The following CEP170 variants were observed in gnomAD, a reference collection of about 807,000 sequenced individuals.
CEP170 encodes the protein centrosomal protein 170.
CEP170 carries 21 observed loss-of-function variants against 151.9 expected under a neutral mutation model. That is an observed-to-expected ratio of 0.14 (90% CI 0.10 to 0.20). The LOEUF (loss-of-function observed/expected upper bound fraction) is 0.20, where lower values mean the gene tolerates loss of function less well. Ranked by LOEUF, CEP170 falls within the 10% of genes least tolerant of loss-of-function variation. The pLI is 1.00. For synonymous variants in CEP170, 356 were observed against 648.8 expected (o/e 0.55, Z 6.86); for missense variants, 964 against 1,892.9 (o/e 0.51, Z 9.11).
At position 243,128,359 on chromosome 1, in the gene CEP170, A is replaced by G. The variant is rs369626057; in HGVS notation, c.4414-59T>C. On this transcript the variant is annotated intron_variant, in intron 18 of 19. Transcript: ENST00000366542. ...TTTTAGCTAAATGTTATCACTTTAC[A>G]AGCAATGAATTTCACTCTCACTTTA... The G allele has an allele frequency of 9.1e-4, 1,315 of 1,450,170 alleles. 22 individuals carry two copies. The South Asian group carries it at 0.017, about 18-fold the overall frequency. The allele number at this position is 1,450,170 out of a possible 1,614,324, so 89.8% of individuals were successfully genotyped here.
intron 1 of CEP170, among the ~76,000 whole-genome samples, chr1:243,251,033 T>C (rs897684045): frequency 6.6e-6 from 1 of 152,164 alleles, no homozygotes; most frequent in East Asian, 1.9e-4. Context: ...GTCCTAACAT[T>C]TAGACAAGAG....
intron 1 of CEP170, chr1:243,253,460 T>G (rs2066137677): frequency 6.6e-6 from 1 of 152,234 alleles, no homozygotes; most frequent in Non-Finnish European, 1.5e-5. Context: ...TCAGTTAACT[T>G]TCTGAGTTTT....
At chr1:243,223,666 T>TA (rs2063001016) in intron 2 of CEP170, among the ~76,000 whole-genome samples, 1 of 152,188 alleles carries the variant, frequency 6.6e-6, no homozygotes, top group African/African-American at 2.4e-5. Flanking sequence ...GAGATGCCAT[T>TA]ACAACTCTGG....
chr1:243,180,100 A>T (rs1303422665), intron 10 of CEP170, among the ~76,000 whole-genome samples: 1 of 152,232 alleles, frequency 6.6e-6, no homozygotes, highest in South Asian at 2.1e-4. Flanking sequence ...TAAGACGATA[A>T]ATTTTCTTAT....
At chr1:243,219,934 C>G (rs1381401444) in intron 3 of CEP170, among the ~76,000 whole-genome samples, 3 of 152,138 alleles carry the variant, frequency 2.0e-5, no homozygotes, top group Non-Finnish European at 4.4e-5. Flanking sequence ...AGATTTAATA[C>G]CAGGCTGATC....
At chr1:243,143,182 T>C (rs184467170) in intron 14 of CEP170, among the ~76,000 whole-genome samples, 180 of 152,124 alleles carry the variant, frequency 1.2e-3, no homozygotes, top group African/African-American at 4.0e-3. Context: ...GGCAAAGGGG[T>C]CTACAGTACC....
intron 13 of CEP170, among the ~76,000 whole-genome samples, chr1:243,159,859 GCT>G (rs2057921830): frequency 6.7e-6 from 1 of 148,194 alleles, no homozygotes; most frequent in Admixed American, 6.8e-5. Flanking sequence ...CGCCATCTTG[GCT>G]CACTGCAATC....
rs1392257857 is a variant in CEP170, at chr1:243,191,311, A to T, written c.815T>A (p.Ile272Lys). The change falls in exon 8 of 20, where the codon ATA (isoleucine) becomes AAA (lysine). Residue 272 changes from isoleucine (I) to lysine (K), a missense_variant. Ile to Lys is a moderately radical substitution (Grantham distance 102). Transcript: ENST00000366542. ...AAATGAAGCATGCCCTGCACCTGTT[A>T]TATGGGAACTTGGCGTGTCTTTTGT... ...IPTKDTPSSH[I>K]TGAGHASFTI... is the part of the protein sequence containing the mutation. 1 of 1,613,276 alleles carries T rather than the reference A, an allele frequency of 6.2e-7. No individual in the cohort carries two copies. Among genetic ancestry groups the T allele is most frequent in the South Asian group, 1.1e-5 (1 of 91,016 alleles).
intron 1 of CEP170, among the ~76,000 whole-genome samples, chr1:243,226,163 CTATAGA>C (rs1381522612): frequency 2.0e-5 from 2 of 99,536 alleles, no homozygotes; most frequent in African/African-American, 8.0e-5. Context: ...GTCTATCTCT[CTATAGA>C]TATATATATA....
chr1:243,128,580 T>A (rs1572105095), intron 18 of CEP170: 1 of 300,474 alleles, frequency 3.3e-6, no homozygotes, highest in South Asian at 5.1e-5. Context: ...AGATTTTTTT[T>A]TTTTGAGACC....
intron 10 of CEP170, among the ~76,000 whole-genome samples, chr1:243,177,049 A>G (rs754612924): frequency 6.6e-6 from 1 of 152,232 alleles, no homozygotes; most frequent in Non-Finnish European, 1.5e-5. Flanking sequence ...CACAGTGTCC[A>G]ATTCTGAAAT....
chr1:243,211,958 C>T lies in CEP170; in HGVS notation c.202G>A (p.Val68Met), dbSNP rs1049317015. 3 of 1,511,512 alleles carry T rather than the reference C, an allele frequency of 2.0e-6. No individual in the cohort carries two copies. The highest frequency in any genetic ancestry group is 1.4e-5 in the South Asian group (1 of 73,744). 93.6% of individuals were successfully genotyped at this position (1,511,512 alleles called of 1,614,324 possible). A position where few individuals can be genotyped will look rare whatever the true frequency, so the allele number is the denominator to read the frequency against. Residue 68 changes from valine (V) to methionine (M), a missense_variant, in exon 4 of 20, where the codon GTG (valine) becomes ATG (methionine). By Grantham distance (21) the Val-to-Met change is conservative (BLOSUM62 1). Coordinates refer to ENST00000366542, the MANE Select transcript of CEP170 (RefSeq NM_014812.3). ...KDLGSLNGTF[V>M]NDVRIPEQTY... ...TGTTCCGGAATCCTTACATCATTCA[C>T]AAAAGTCTACAAGGAAACAAAAAAA...
chr1:243,161,538 C>T (rs1015533888), intron 13 of CEP170, among the ~76,000 whole-genome samples: 2 of 152,118 alleles, frequency 1.3e-5, no homozygotes, highest in Non-Finnish European at 2.9e-5. Flanking sequence ...AGTGTGATCA[C>T]AGCTCACTGC....
At chr1:243,149,177 G>A (rs999344537) in intron 14 of CEP170, among the ~76,000 whole-genome samples, 87 of 152,222 alleles carry the variant, frequency 5.7e-4, no homozygotes, top group Non-Finnish European at 7.5e-4. Flanking sequence ...TTCTAGTCTC[G>A]AAACTAGACT....
chr1:243,156,597 C>T (rs1481307902), intron 13 of CEP170, 142 bp from the exon 14 acceptor site: 2 of 674,634 alleles, frequency 3.0e-6, no homozygotes, highest in Non-Finnish European at 4.7e-6. Context: ...CTCACAAAAA[C>T]CATAAGTCTA....
chr1:243,191,489 C>T lies in CEP170; in HGVS notation c.637G>A (p.Gly213Ser), dbSNP rs2631092. ...KNHEAGTSGC[G>S]IDAKQVEEQS... ...TCCTCAACTTGCTTGGCATCTATGCCGCACCCTAATGAGAAAAATAAGAGA... is the reference window on the plus strand; with the variant it reads ...TCCTCAACTTGCTTGGCATCTATGCTGCACCCTAATGAGAAAAATAAGAGA... The change falls in exon 8 of 20, where the codon GGC becomes AGC. Residue 213 changes from glycine to serine, a missense_variant. Coordinates refer to ENST00000366542, the MANE Select transcript of CEP170 (RefSeq NM_014812.3). The T allele has an allele frequency of 0.69, 520,707 of 751,308 alleles. 228,830 individuals carry two copies. The highest frequency in any genetic ancestry group is 0.94 in the East Asian group (34,457 of 36,762). 46.5% of individuals were successfully genotyped at this position (751,308 alleles called of 1,614,324 possible).
chr1:243,206,313 T>C (rs1282848585), intron 4 of CEP170, among the ~76,000 whole-genome samples: 1 of 152,218 alleles, frequency 6.6e-6, no homozygotes, highest in Non-Finnish European at 1.5e-5. Flanking sequence ...TTTGTATTTT[T>C]AATAGAGACA....
chr1:243,170,230 A>AC (rs55712501), intron 11 of CEP170, among the ~76,000 whole-genome samples: 130,162 of 151,762 alleles, frequency 0.86, 55,946 homozygotes, highest in East Asian at 0.94. Context: ...TACTAAAAAT[A>AC]AAAAATTAGC....
At chr1:243,219,163 A>G (rs1463845807) in intron 3 of CEP170, among the ~76,000 whole-genome samples, 1 of 152,198 alleles carries the variant, frequency 6.6e-6, no homozygotes, top group African/African-American at 2.4e-5. Flanking sequence ...AATGCTTTAA[A>G]GTTCTATACT....
Sources: gnomAD v4.1 joint callset for allele counts (sites outside exome capture counted in the v4.1 genomes callset) on GRCh38, gnomAD v4.1.1 for gene constraint, MANE v1.5 for transcripts, NCBI Gene and HGNC (gene_info 2026-07-23, HGNC 2026-07-21) for gene names.